Variants in TRERF1 observed in about 807,000 individuals in gnomAD.
The protein encoded by TRERF1 is transcriptional regulating factor 1, also known as transcriptional-regulating factor 1.
Under a neutral mutation model 122.9 loss-of-function variants are expected in TRERF1, and 27 were observed. The ratio of observed to expected loss-of-function variants is 0.22; its 90% CI spans 0.16 to 0.30. The LOEUF is 0.30. TRERF1 is among the 10% of genes least tolerant of loss of function. TRERF1 has a pLI of 1.00. For missense variants in TRERF1, 1,248 were observed against 1,560.3 expected (o/e 0.80, Z 3.37); for synonymous variants, 636 against 641.7 (o/e 0.99, Z 0.13).
In TRERF1 at chr6:42,243,368, G is replaced by C. The variant is rs370745434; in HGVS notation, c.2746-7C>G. ...CCACCGTCTTGGACTTCACCTGCCGGGAAAGCGAACTCAAGGTTAGCTCCA... is the reference window on the plus strand; with the variant it reads ...CCACCGTCTTGGACTTCACCTGCCGCGAAAGCGAACTCAAGGTTAGCTCCA... On this transcript the variant is annotated splice_region_variant and splice_polypyrimidine_tract_variant and intron_variant, in intron 14 of 17. Transcript: ENST00000372922. 2 of 1,607,046 alleles carry C rather than the reference G, an allele frequency of 1.2e-6. No individual in the cohort carries two copies. The highest frequency in any genetic ancestry group is 1.7e-6 in the Non-Finnish European group (2 of 1,174,188).
intron 4 of TRERF1, among the ~76,000 whole-genome samples, chr6:42,290,841 G>C (rs1784212369): frequency 6.7e-6 from 1 of 150,058 alleles, no homozygotes; most frequent in South Asian, 2.1e-4. Context: ...GGGATGTGGG[G>C]TGGCCTGCTC....
chr6:42,288,982 TG>T (rs1280380374), intron 4 of TRERF1, among the ~76,000 whole-genome samples: 1 of 151,428 alleles, frequency 6.6e-6, no homozygotes, highest in East Asian at 1.9e-4. Context: ...TGTGTGTGTG[TG>T]TGTGTGTGTG....
chr6:42,336,456 T>C (rs376683144), intron 3 of TRERF1, among the ~76,000 whole-genome samples: 55 of 152,220 alleles, frequency 3.6e-4, no homozygotes, highest in African/African-American at 1.2e-3. Flanking sequence ...TAAATGCCCA[T>C]TTCTACCTCC....
chr6:42,356,398 TAAG>T (rs751571077), intron 3 of TRERF1, among the ~76,000 whole-genome samples: 8 of 152,114 alleles, frequency 5.3e-5, no homozygotes, highest in African/African-American at 7.2e-5. Flanking sequence ...GGTGATCTTA[TAAG>T]AAGAGGAAGA....
chr6:42,312,047 A>C (rs1337239639), intron 3 of TRERF1, among the ~76,000 whole-genome samples: 1 of 152,176 alleles, frequency 6.6e-6, no homozygotes, highest in Non-Finnish European at 1.5e-5. Context: ...TCTACAGAAA[A>C]ATGCATTCTG....
intron 2 of TRERF1, among the ~76,000 whole-genome samples, chr6:42,379,961 C>T (rs1775625225): frequency 1.3e-5 from 2 of 152,118 alleles, no homozygotes; most frequent in Non-Finnish European, 2.9e-5. Context: ...ATATGCCATG[C>T]CAGACGGTGA....
chr6:42,418,218 CTTT>C (rs34388801), intron 2 of TRERF1, among the ~76,000 whole-genome samples: 17 of 34,666 alleles, frequency 4.9e-4, no homozygotes, highest in East Asian at 4.4e-3. Context: ...TTTTTCTTTC[CTTT>C]TTTTTTTTTT....
chr6:42,418,218 C>CTTTTTTTTTTT (rs34388801), intron 2 of TRERF1, among the ~76,000 whole-genome samples: 7 of 34,662 alleles, frequency 2.0e-4, no homozygotes, highest in Non-Finnish European at 3.0e-4. Flanking sequence ...TTTTTCTTTC[C>CTTTTTTTTTTT]TTTTTTTTTT....
At chr6:42,432,920 T>C (rs1469326159) in intron 2 of TRERF1, among the ~76,000 whole-genome samples, 1 of 151,566 alleles carries the variant, frequency 6.6e-6, no homozygotes, top group Non-Finnish European at 1.5e-5. Flanking sequence ...ATGTTAATCA[T>C]AAAGGATACG....
At chr6:42,351,970 C>T (rs1271757589) in intron 3 of TRERF1, among the ~76,000 whole-genome samples, 5 of 152,126 alleles carry the variant, frequency 3.3e-5, no homozygotes, top group African/African-American at 4.8e-5. Flanking sequence ...GAAATAAACT[C>T]TATTGTGTTA....
rs1490081926 is a variant in TRERF1, at chr6:42,259,981, G to A, written c.1885-258C>T. On this transcript the variant is annotated intron_variant, in intron 8 of 17. Transcript: ENST00000372922. The surrounding 1 kb of genome is among the most constrained non-coding windows in gnomAD (Gnocchi z 4.9). ...CTGGGGGTGGTAGGAATAGTGGGTG[G>A]GCAAGAAGTAATAAATTCAAATTCT... 6.6e-6 allele frequency among the ~76,000 whole-genome samples: 1 copy of A among 151,954 alleles called. No homozygotes were observed. The highest frequency in any genetic ancestry group is 2.4e-5 in the African/African-American group (1 of 41,322).
At chr6:42,252,486 T>C (rs533380662) in intron 13 of TRERF1, among the ~76,000 whole-genome samples, 1 of 152,224 alleles carries the variant, frequency 6.6e-6, no homozygotes, top group South Asian at 2.1e-4. Context: ...ATGGTGACAC[T>C]GGCCACAGCC....
intron 2 of TRERF1, among the ~76,000 whole-genome samples, chr6:42,438,253 C>T (rs922476339): frequency 2.6e-5 from 4 of 151,618 alleles, no homozygotes; most frequent in Non-Finnish European, 4.4e-5. Context: ...TGTATCCTGT[C>T]CCCCAACATA....
At position 42,228,453 on chromosome 6, in the gene TRERF1, G is replaced by T. The variant is rs1381804813; in HGVS notation, c.3495C>A (p.Asp1165Glu). Residue 1165 changes from aspartate (D) to glutamate (E), a missense_variant, in exon 18 of 18, where the codon GAC (aspartate) becomes GAA (glutamate). Coordinates refer to ENST00000372922, the Ensembl canonical transcript of TRERF1. The surrounding 1 kb of genome is among the most constrained non-coding windows in gnomAD (Gnocchi z 4.2). Reference sequence around the variant, plus strand: ...TGACACCTCCCAACTGCTGGACGACGTCGTCGTCGAGGATGTCCACATCCT... The same window carrying T: ...TGACACCTCCCAACTGCTGGACGACTTCGTCGTCGAGGATGTCCACATCCT... 10 of 1,614,176 alleles carry T rather than the reference G, an allele frequency of 6.2e-6. No homozygotes were observed. Among genetic ancestry groups the T allele is most frequent in the Non-Finnish European group, 8.5e-6 (10 of 1,180,020 alleles).
At chr6:42,289,048 G>C (rs1207933394) in intron 4 of TRERF1, among the ~76,000 whole-genome samples, 1 of 151,922 alleles carries the variant, frequency 6.6e-6, no homozygotes, top group Non-Finnish European at 1.5e-5. Flanking sequence ...TCTGGGCCGG[G>C]TGTGGTGGCT....
At chr6:42,322,074 C>A (rs558927322) in intron 3 of TRERF1, among the ~76,000 whole-genome samples, 2 of 152,104 alleles carry the variant, frequency 1.3e-5, no homozygotes, top group Non-Finnish European at 2.9e-5. Context: ...TAGGTAAGAA[C>A]GCAAATACTG....
chr6:42,303,779 G>A (rs1020364186), intron 3 of TRERF1, among the ~76,000 whole-genome samples: 4 of 151,842 alleles, frequency 2.6e-5, no homozygotes, highest in African/African-American at 9.7e-5. Context: ...AGCCAGGTGT[G>A]GTGGTTTGTG....
intron 4 of TRERF1, among the ~76,000 whole-genome samples, chr6:42,280,177 G>GGGGGCTCGGACAAGCCACAGTCCC (rs1782050700): frequency 6.6e-6 from 1 of 152,048 alleles, no homozygotes; most frequent in South Asian, 2.1e-4. Flanking sequence ...TTTAAGATAA[G>GGGGGCTCGGACAAGCCACAGTCCC]GGGGCTCGGA....
At position 42,228,412 on chromosome 6, in the gene TRERF1, A is replaced by G. The variant is rs771885352; in HGVS notation, c.3536T>C (p.Val1179Ala). Residue 1179 changes from valine to alanine, a missense_variant, in exon 18 of 18, where the codon GTT (valine) becomes GCT (alanine). Physicochemically the swap from Val to Ala is moderately conservative, Grantham distance 64. Coordinates refer to ENST00000372922, the Ensembl canonical transcript of TRERF1. This position sits in a 1 kb window ranked among gnomAD's most constrained non-coding sequence, Gnocchi z 4.2. ...ATCCAAGAGAAGATCGGTGTCCACA[A>G]CTTCAGCCTCTTCCATGACACCTCC... is the stretch of plus-strand genomic sequence containing the variant. 42 of 1,614,080 alleles carry G rather than the reference A, an allele frequency of 2.6e-5. No homozygotes were observed. The African/African-American group carries it at 4.7e-4, about 18-fold the overall frequency.
Sources: allele counts gnomAD v4.1 joint callset (sites outside exome capture counted in the v4.1 genomes callset), GRCh38; gene constraint gnomAD v4.1.1; non-coding constraint Gnocchi (gnomAD v3.1); transcripts MANE v1.5; gene names NCBI Gene and HGNC (gene_info 2026-07-23, HGNC 2026-07-21).